TMEM67: variants seen among roughly 807,000 people sequenced by gnomAD.
TMEM67 encodes the protein meckelin.
TMEM67 carries 124 observed loss-of-function variants against 136.6 expected under a neutral mutation model. The observed-to-expected ratio is 0.91, with a 90% CI of 0.78 to 1.05. TMEM67 has a LOEUF of 1.05. Ranked by LOEUF, TMEM67 falls within the 50% of genes least tolerant of loss-of-function variation. The probability of loss-of-function intolerance (pLI) is 0.00; values close to 1 mark genes in which losing one functional copy is unlikely to be tolerated. For missense variants in TMEM67, 1,107 were observed against 1,178.4 expected, an observed-to-expected ratio of 0.94 and a Z score of 0.89; for synonymous variants, 364 against 390.5, an observed-to-expected ratio of 0.93 and a Z score of 0.80.
chr8:93,791,724 TC>T lies in TMEM67; in HGVS notation c.1575+406del, dbSNP rs369663779. Among the ~76,000 whole-genome samples, 551 of 152,330 alleles carry T rather than the reference TC, an allele frequency of 3.6e-3. 3 individuals carry two copies. Among genetic ancestry groups the T allele is most frequent in the African/African-American group, 0.013 (540 of 41,570 alleles). ...GGGTTTGTCTGGTATTTTCCCATGA[TC>T]AAATTGAGTTCATATAGTTTTGGCA... On this transcript the variant is annotated intron_variant, in intron 15 of 27. Coordinates refer to ENST00000453321, the MANE Select transcript of TMEM67 (RefSeq NM_153704.6).
intron 26 of TMEM67, among the ~76,000 whole-genome samples, chr8:93,812,983 G>T (rs1323529176): frequency 6.6e-6 from 1 of 151,958 alleles, no homozygotes; most frequent in Non-Finnish European, 1.5e-5. Context: ...TGATCCACCC[G>T]CCTCAGCCTC....
chr8:93,783,957 C>G (rs1355771007), intron 11 of TMEM67, among the ~76,000 whole-genome samples: 1 of 152,100 alleles, frequency 6.6e-6, no homozygotes, highest in African/African-American at 2.4e-5. Context: ...TGGGTGGGGA[C>G]ACAGCCAAAC....
intron 26 of TMEM67, chr8:93,811,429 TGGAAGAGAG>T (rs1342205270): frequency 1.3e-5 from 2 of 152,174 alleles, no homozygotes; most frequent in Admixed American, 1.3e-4. Context: ...TGGGACACAG[TGGAAGAGAG>T]TACTTGAAAG....
intron 20 of TMEM67, among the ~76,000 whole-genome samples, chr8:93,797,850 C>T (rs1429497134): frequency 6.6e-6 from 1 of 152,128 alleles, no homozygotes; most frequent in East Asian, 1.9e-4. Flanking sequence ...GGCATGGCGG[C>T]ACATGCCTAT....
downstream of TMEM67, among the ~76,000 whole-genome samples, chr8:93,819,703 A>G (rs971424501): frequency 3.3e-5 from 5 of 152,226 alleles, no homozygotes; most frequent in Non-Finnish European, 7.3e-5. Context: ...CAACCAAAGC[A>G]TGGAACAGTA....
chr8:93,780,823 T>C, intron 8 of TMEM67, 51 bp from the exon 9 acceptor site: 1 of 1,589,976 alleles, frequency 6.3e-7, no homozygotes, highest in Non-Finnish European at 8.6e-7. Context: ...CAAATACTAA[T>C]AATAAGAAAT....
At chr8:93,805,350 G>A (rs536388418) in intron 23 of TMEM67, among the ~76,000 whole-genome samples, 3 of 152,156 alleles carry the variant, frequency 2.0e-5, no homozygotes, top group Admixed American at 6.5e-5. Flanking sequence ...TTGGGAGGCC[G>A]AGGTGGGCAG....
intron 26 of TMEM67, among the ~76,000 whole-genome samples, chr8:93,813,850 T>C (rs142465022): frequency 1.3e-3 from 192 of 152,308 alleles, no homozygotes; most frequent in Middle Eastern, 3.4e-3. Context: ...TGGAGCAATG[T>C]TAGTAGAAAA....
At chr8:93,793,115 A>G in intron 15 of TMEM67, 83 bp from the exon 16 acceptor site, 1 of 1,267,364 alleles carries the variant, frequency 7.9e-7, no homozygotes, top group East Asian at 2.3e-5. Flanking sequence ...CATTTTTTTG[A>G]GCACTTCCTT....
intron 7 of TMEM67, among the ~76,000 whole-genome samples, chr8:93,777,115 C>G (rs1277590680): frequency 1.3e-5 from 2 of 152,160 alleles, no homozygotes; most frequent in African/African-American, 4.8e-5. Flanking sequence ...TCCATTTCTT[C>G]TCGATTTTCT....
At chr8:93,769,496 G>A (rs767059116) in intron 6 of TMEM67, 3 of 167,152 alleles carry the variant, frequency 1.8e-5, no homozygotes, top group African/African-American at 7.2e-5. Context: ...CAGCAATTGT[G>A]TGCTAAACAT....
chr8:93,762,184 A>G (rs4299972), intron 3 of TMEM67, among the ~76,000 whole-genome samples: 7,839 of 152,184 alleles, frequency 0.052, 655 homozygotes, highest in African/African-American at 0.18. Context: ...GAATCTGGGA[A>G]GTGGAGGTTA....
At chr8:93,793,096 C>A in intron 15 of TMEM67, 102 bp from the exon 16 acceptor site, 2 of 1,062,388 alleles carry the variant, frequency 1.9e-6, no homozygotes, top group Non-Finnish European at 1.4e-6. Flanking sequence ...TCAACATTTC[C>A]CACCCCACCA....
At chr8:93,797,879 G>A (rs1253294888) in intron 20 of TMEM67, among the ~76,000 whole-genome samples, 1 of 152,210 alleles carries the variant, frequency 6.6e-6, no homozygotes, top group African/African-American at 2.4e-5. Flanking sequence ...CTGCTCGGGA[G>A]GCTGAGGCAG....
At chr8:93,760,969 C>T (rs1008446510) in intron 3 of TMEM67, among the ~76,000 whole-genome samples, 7 of 152,044 alleles carry the variant, frequency 4.6e-5, no homozygotes, top group Admixed American at 2.0e-4. Flanking sequence ...AGAAAATGTA[C>T]GTTAAAGCTA....
intron 21 of TMEM67, among the ~76,000 whole-genome samples, chr8:93,800,781 C>G (rs187441449): frequency 2.6e-5 from 4 of 152,254 alleles, no homozygotes; most frequent in African/African-American, 9.6e-5. Flanking sequence ...AGGACAGACT[C>G]TTTGTTTAGT....
At chr8:93,762,460 G>A (rs1045516881) in intron 3 of TMEM67, among the ~76,000 whole-genome samples, 5 of 150,360 alleles carry the variant, frequency 3.3e-5, no homozygotes, top group African/African-American at 9.8e-5. Flanking sequence ...ACCTCTCAAT[G>A]TGTTGGGATT....
At position 93,755,820 on chromosome 8, in the gene TMEM67, A is replaced by G; in HGVS notation, c.266A>G (p.Asn89Ser). The G allele has an allele frequency of 6.3e-7, 1 of 1,588,862 alleles. No homozygotes were observed. The change falls in exon 2 of 28, where the codon AAT becomes AGT. Residue 89 changes from asparagine to serine, a missense_variant. By Grantham distance (46) the Asn-to-Ser change is conservative. This residue lies in a region of TMEM67 where 178 missense variants were observed against 159.2 expected (regional missense o/e 1.12). Coordinates refer to ENST00000453321, the MANE Select transcript of TMEM67 (RefSeq NM_153704.6). ...CTACCAGGATTTCAGATGATCTCTA[A>G]TAATGGAGGACCTGCTATTATTTGT... ...VCLPGFQMIS[N>S]NGGPAIICKK...
intron 20 of TMEM67, among the ~76,000 whole-genome samples, chr8:93,798,052 T>C (rs1814700048): frequency 6.6e-6 from 1 of 152,120 alleles, no homozygotes; most frequent in Non-Finnish European, 1.5e-5. Context: ...ATCATCACCA[T>C]TCATCTTAGA....
Sources: gnomAD v4.1 joint callset for allele counts (sites outside exome capture counted in the v4.1 genomes callset) on GRCh38, gnomAD v4.1.1 for gene constraint, gnomAD v4.1.1 regional missense constraint, MANE v1.5 for transcripts, NCBI Gene and HGNC (gene_info 2026-07-23, HGNC 2026-07-21) for gene names.